The following GRID2 variants were observed in gnomAD, a reference collection of about 807,000 sequenced individuals.
The protein encoded by GRID2 is glutamate ionotropic receptor delta type subunit 2, also known as glutamate receptor ionotropic, delta-2.
GRID2 carries 33 observed loss-of-function variants against 114.8 expected under a neutral mutation model. That is an observed-to-expected ratio of 0.29 (90% CI 0.22 to 0.38). GRID2 has a LOEUF of 0.38. GRID2 is among the 10% of genes least tolerant of loss of function. GRID2 has a pLI of 1.00. For missense variants in GRID2, 1,184 were observed against 1,257.7 expected, an observed-to-expected ratio of 0.94 and a Z score of 0.89; for synonymous variants, 505 against 449.9, an observed-to-expected ratio of 1.12 and a Z score of -1.55.
At chr4:93,413,984 C>A (rs1350302806) in intron 9 of GRID2, among the ~76,000 whole-genome samples, 2 of 152,138 alleles carry the variant, frequency 1.3e-5, no homozygotes, top group Non-Finnish European at 2.9e-5. Flanking sequence ...ATGACACATA[C>A]TCCAACTAAA....
In GRID2 at chr4:93,691,507, A is replaced by G. The variant is rs1238030449; in HGVS notation, c.2360+65072A>G. Among the ~76,000 whole-genome samples the G allele has an allele frequency of 2.6e-5, 4 of 152,206 alleles. No homozygotes were observed. The East Asian group carries it at 5.8e-4, about 22-fold the overall frequency. On this transcript the variant is annotated intron_variant, in intron 14 of 15. Coordinates refer to ENST00000282020, the MANE Select transcript of GRID2 (RefSeq NM_001510.4). ...TGGGCAGACCTGAGTTCAAATCTCA[A>G]CTTTGCTGTTTATTAGCTTTGTGAC... is the stretch of plus-strand genomic sequence containing the variant.
chr4:92,706,243 G>A (rs937278354), intron 2 of GRID2, among the ~76,000 whole-genome samples: 8 of 152,156 alleles, frequency 5.3e-5, no homozygotes, highest in Admixed American at 1.3e-4. Flanking sequence ...AGTTCAAGAT[G>A]AGATTTCTTA....
intron 2 of GRID2, among the ~76,000 whole-genome samples, chr4:92,824,303 T>A (rs984881107): frequency 6.6e-6 from 1 of 152,158 alleles, no homozygotes; most frequent in Non-Finnish European, 1.5e-5. Context: ...ATATATGATC[T>A]TTTTATTATC....
At chr4:93,407,369 A>G (rs1056910678) in intron 9 of GRID2, among the ~76,000 whole-genome samples, 1 of 143,770 alleles carries the variant, frequency 7.0e-6, no homozygotes, top group Admixed American at 6.6e-5. Context: ...ACCATACTGC[A>G]TGGAAGTCCC....
intron 4 of GRID2, among the ~76,000 whole-genome samples, chr4:93,184,605 C>T (rs888212461): frequency 6.6e-5 from 10 of 151,778 alleles, no homozygotes; most frequent in South Asian, 2.1e-4. Flanking sequence ...GGTCTCTGGC[C>T]GGGTGCAGTG....
At chr4:93,698,652 A>G (rs910211222) in intron 14 of GRID2, among the ~76,000 whole-genome samples, 1 of 152,116 alleles carries the variant, frequency 6.6e-6, no homozygotes, top group Non-Finnish European at 1.5e-5. Flanking sequence ...GCAATGTTAA[A>G]TTATAATAAA....
intron 2 of GRID2, among the ~76,000 whole-genome samples, chr4:92,770,842 GAC>G (rs1332807503): frequency 2.6e-5 from 4 of 152,230 alleles, no homozygotes; most frequent in Non-Finnish European, 5.9e-5. Flanking sequence ...TTTGAGTGGG[GAC>G]ACAGACAAAC....
intron 14 of GRID2, among the ~76,000 whole-genome samples, chr4:93,630,549 A>G (rs527362967): frequency 1.1e-4 from 17 of 152,332 alleles, no homozygotes; most frequent in Middle Eastern, 6.8e-3. Context: ...TCATCCATAA[A>G]GAGGTCACAT....
chr4:92,601,300 A>C (rs570044991), intron 2 of GRID2, among the ~76,000 whole-genome samples: 2 of 152,226 alleles, frequency 1.3e-5, no homozygotes, highest in Non-Finnish European at 2.9e-5. Context: ...CTCTTTAGCA[A>C]ATGCAGAATA....
rs554956612 is a variant in GRID2 at position 92,860,780 on chromosome 4, C to T, written c.245-224215C>T. ...ACTGCCATTTCGCCTGAACCCTATA[C>T]AGTACCTGAAAGGCAGTTATCAATA... On this transcript the variant is annotated intron_variant, in intron 2 of 15. Coordinates refer to ENST00000282020, the MANE Select transcript of GRID2 (RefSeq NM_001510.4). Among the ~76,000 whole-genome samples, 4 of 152,134 alleles carry T rather than the reference C, an allele frequency of 2.6e-5. No homozygotes were observed. In the East Asian group the frequency reaches 7.7e-4, roughly 29 times the overall value.
rs941659544 is a variant in GRID2, at chr4:93,378,944, G to A, written c.1246-16663G>A. ...CTCTATTATCCCTTGGATAATTCCT[G>A]CTGTATATAGAGGTCCAAGATTGAT... On this transcript the variant is annotated intron_variant, in intron 8 of 15. Transcript: ENST00000282020. Among the ~76,000 whole-genome samples the A allele has an allele frequency of 5.9e-5, 9 of 152,118 alleles. No individual in the cohort carries two copies. In the South Asian group the frequency reaches 1.2e-3, roughly 21 times the overall value.
At chr4:93,150,142 C>G (rs1053032959) in intron 4 of GRID2, among the ~76,000 whole-genome samples, 3 of 151,996 alleles carry the variant, frequency 2.0e-5, no homozygotes, top group Non-Finnish European at 4.4e-5. Context: ...CTCATCTGGT[C>G]AGTTAATGTG....
intron 8 of GRID2, among the ~76,000 whole-genome samples, chr4:93,343,752 A>G (rs1196672385): frequency 1.3e-5 from 2 of 152,068 alleles, no homozygotes; most frequent in Non-Finnish European, 2.9e-5. Context: ...CCTCATCTTG[A>G]AGACTTTGGA....
chr4:92,314,025 C>G (rs1452931996), intron 1 of GRID2, among the ~76,000 whole-genome samples: 1 of 151,992 alleles, frequency 6.6e-6, no homozygotes, highest in Non-Finnish European at 1.5e-5. Context: ...AATTGATACA[C>G]CTTTTTCTTT....
intron 2 of GRID2, among the ~76,000 whole-genome samples, chr4:93,047,005 G>A (rs912356098): frequency 1.5e-4 from 23 of 151,880 alleles, no homozygotes; most frequent in African/African-American, 5.6e-4. Context: ...TGATAGTATG[G>A]ACACTTAATA....
At chr4:93,437,784 C>G (rs780124671) in intron 10 of GRID2, among the ~76,000 whole-genome samples, 1 of 152,110 alleles carries the variant, frequency 6.6e-6, no homozygotes, top group South Asian at 2.1e-4. Context: ...CTTCATTTCT[C>G]AACCCTAGCT....
At chr4:93,402,472 G>GA (rs1262636257) in intron 9 of GRID2, among the ~76,000 whole-genome samples, 14 of 151,644 alleles carry the variant, frequency 9.2e-5, no homozygotes, top group Admixed American at 2.0e-4. Context: ...ACTCAGTAAA[G>GA]AAAAAAAAGC....
In GRID2 at chr4:92,827,213, T is replaced by G. The variant is rs116099993; in HGVS notation, c.244+236927T>G. 1.2e-3 allele frequency among the ~76,000 whole-genome samples: 177 copies of G among 152,148 alleles called. 1 individual carries two copies. The highest frequency in any genetic ancestry group is 2.3e-3 in the Admixed American group (35 of 15,240). On this transcript the variant is annotated intron_variant, in intron 2 of 15. Coordinates refer to ENST00000282020, the MANE Select transcript of GRID2 (RefSeq NM_001510.4). ...GGCAATTAAACTATTCTATTTTATT[T>G]AAAACCATTTATATTTATCCAAAAA...
chr4:93,624,196 CTA>C (rs72081730), intron 13 of GRID2, among the ~76,000 whole-genome samples: 69,901 of 151,626 alleles, frequency 0.46, 16,797 homozygotes, highest in East Asian at 0.64. Context: ...TATGATCAAT[CTA>C]TTTTTTTAAT....
Sources: allele counts gnomAD v4.1 joint callset (sites outside exome capture counted in the v4.1 genomes callset), GRCh38; gene constraint gnomAD v4.1.1; transcripts MANE v1.5; gene names NCBI Gene and HGNC (gene_info 2026-07-23, HGNC 2026-07-21).